ZC3H12B: variants seen among roughly 807,000 people sequenced by gnomAD.
ZC3H12B encodes the protein zinc finger CCCH-type containing 12B.
In ZC3H12B, 7 loss-of-function variants were observed where a neutral mutation model predicts 43.9. The ratio of observed to expected loss-of-function variants is 0.16; its 90% CI spans 0.09 to 0.30. The LOEUF (loss-of-function observed/expected upper bound fraction) is 0.30, where lower values mean the gene tolerates loss of function less well. ZC3H12B is among the 10% of genes least tolerant of loss of function. ZC3H12B has a pLI of 1.00. For missense variants in ZC3H12B, 475 were observed against 670.2 expected, an observed-to-expected ratio of 0.71 and a Z score of 3.22; for synonymous variants, 222 against 241.7, an observed-to-expected ratio of 0.92 and a Z score of 0.76.
At chrX:65,291,651 G>T in the ZC3H12B span, among the ~76,000 whole-genome samples, 3 of 111,896 alleles carry the variant, frequency 2.7e-5, no homozygotes, top group Admixed American at 2.8e-4. Context: ...GTGCTGGTGA[G>T]AATGGGTAGT....
chrX:65,049,443 T>C, the ZC3H12B span, among the ~76,000 whole-genome samples: 1 of 111,612 alleles, frequency 9.0e-6, no homozygotes, highest in East Asian at 2.8e-4. Flanking sequence ...TTTCCTATTA[T>C]GTAGTCTTGG....
chrX:65,307,455 A>G, the ZC3H12B span, among the ~76,000 whole-genome samples: 2 of 112,189 alleles, frequency 1.8e-5, no homozygotes, highest in Non-Finnish European at 3.8e-5. Flanking sequence ...GCAATGGAAA[A>G]GGAACCTAAT....
the ZC3H12B span, among the ~76,000 whole-genome samples, chrX:65,175,143 G>T: frequency 9.9e-5 from 11 of 111,354 alleles, no homozygotes; most frequent in African/African-American, 3.6e-4. Flanking sequence ...GAGGTCCCTG[G>T]CTCCTTGCAC....
At chrX:65,282,320 AAAC>A in the ZC3H12B span, among the ~76,000 whole-genome samples, 30 of 111,308 alleles carry the variant, frequency 2.7e-4, no homozygotes, top group South Asian at 8.2e-3. Context: ...AGAAAACCAA[AAAC>A]AACAACAACA....
intron 3 of ZC3H12B, among the ~76,000 whole-genome samples, chrX:65,476,258 C>T (rs73629445): frequency 0.13 from 14,821 of 110,979 alleles, 2,384 homozygotes; most frequent in African/African-American, 0.45. Flanking sequence ...TATTTTTATA[C>T]TATCTTGTAA....
intron 2 of ZC3H12B, among the ~76,000 whole-genome samples, chrX:65,378,973 A>G (rs2066392252): frequency 8.9e-6 from 1 of 112,274 alleles, no homozygotes; most frequent in African/African-American, 3.2e-5. Context: ...ACGGAGTCTC[A>G]TTGATTGCTA....
the ZC3H12B span, among the ~76,000 whole-genome samples, chrX:65,123,984 C>A: frequency 9.0e-6 from 1 of 110,770 alleles, no homozygotes; most frequent in Non-Finnish European, 1.9e-5. Flanking sequence ...CCCTTTATTT[C>A]TTTCTCTTGT....
At chrX:65,382,723 T>A (rs1438733331) in intron 2 of ZC3H12B, among the ~76,000 whole-genome samples, 3 of 111,541 alleles carry the variant, frequency 2.7e-5, no homozygotes, top group Non-Finnish European at 5.6e-5. Flanking sequence ...CAGCCAAAAA[T>A]CTCCTTAAGC....
intron 3 of ZC3H12B, among the ~76,000 whole-genome samples, chrX:65,440,455 A>G (rs1242733737): frequency 8.9e-6 from 1 of 112,475 alleles, no homozygotes; most frequent in East Asian, 2.8e-4. Context: ...AATTACAGCT[A>G]CAAGCTCCAC....
At chrX:65,450,857 GTGTATATATGTATATA>G (rs1178513772) in intron 3 of ZC3H12B, among the ~76,000 whole-genome samples, 4 of 65,075 alleles carry the variant, frequency 6.1e-5, no homozygotes, top group Non-Finnish European at 1.1e-4. Context: ...ATATACATAT[GTGTATATATGTATATA>G]TATACATATG....
the ZC3H12B span, among the ~76,000 whole-genome samples, chrX:65,143,914 T>C: frequency 9.0e-6 from 1 of 110,806 alleles, no homozygotes; most frequent in Non-Finnish European, 1.9e-5. Flanking sequence ...TAGCTAGTAT[T>C]TGTTAAGGAT....
At chrX:65,102,346 C>T in the ZC3H12B span, among the ~76,000 whole-genome samples, 10 of 111,782 alleles carry the variant, frequency 8.9e-5, no homozygotes, top group African/African-American at 2.9e-4. Context: ...ACCCTCTCTC[C>T]CCACTCCTAT....
chrX:65,442,262 A>G (rs2148127544), intron 3 of ZC3H12B, among the ~76,000 whole-genome samples: 1 of 109,887 alleles, frequency 9.1e-6, no homozygotes, highest in Admixed American at 9.9e-5. Flanking sequence ...GGCAATCGGG[A>G]TTAGCATTGT....
chrX:65,434,095 C>G (rs986265411), intron 3 of ZC3H12B, among the ~76,000 whole-genome samples: 3 of 111,531 alleles, frequency 2.7e-5, no homozygotes, highest in African/African-American at 9.8e-5. Flanking sequence ...TTGTCTTTGG[C>G]AGTTGAGTGC....
intron 3 of ZC3H12B, among the ~76,000 whole-genome samples, chrX:65,417,112 G>A (rs1012124887): frequency 3.6e-5 from 4 of 111,147 alleles, no homozygotes; most frequent in African/African-American, 1.3e-4. Context: ...ACCTACCTGG[G>A]GATTTTTCTA....
chrX:65,242,117 G>T, the ZC3H12B span, among the ~76,000 whole-genome samples: 1 of 110,571 alleles, frequency 9.0e-6, no homozygotes, highest in Admixed American at 9.6e-5. Flanking sequence ...GTTACTTTGG[G>T]TCGGTGCCAC....
At chrX:65,479,326 C>A (rs749490950) in intron 3 of ZC3H12B, among the ~76,000 whole-genome samples, 2 of 109,968 alleles carry the variant, frequency 1.8e-5, no homozygotes, top group African/African-American at 6.6e-5. Flanking sequence ...TCAGCCAGGC[C>A]TTTGAATTTT....
chrX:65,035,598 C>A, the ZC3H12B span, among the ~76,000 whole-genome samples: 1 of 111,182 alleles, frequency 9.0e-6, no homozygotes, highest in Non-Finnish European at 1.9e-5. Flanking sequence ...CGCCCCTTTC[C>A]CCTCGCTCTG....
At chrX:65,223,652 G>A in the ZC3H12B span, among the ~76,000 whole-genome samples, 55 of 112,088 alleles carry the variant, frequency 4.9e-4, no homozygotes, top group Non-Finnish European at 9.4e-4. Flanking sequence ...TCAAAAAGTG[G>A]GCTAAAGACA....
Sources: allele counts gnomAD v4.1 joint callset (sites outside exome capture counted in the v4.1 genomes callset), GRCh38; gene constraint gnomAD v4.1.1; transcripts MANE v1.5; gene names NCBI Gene and HGNC (gene_info 2026-07-23, HGNC 2026-07-21).